Variants in TMEM117 observed in about 807,000 individuals in gnomAD.
TMEM117 encodes the protein transmembrane protein 117.
TMEM117 carries 27 observed loss-of-function variants against 52.4 expected under a neutral mutation model. That is an observed-to-expected ratio of 0.51 (90% CI 0.38 to 0.71). TMEM117 has a LOEUF of 0.71. Ranked by LOEUF, TMEM117 falls within the 30% of genes least tolerant of loss-of-function variation. The pLI, the probability that TMEM117 is intolerant of heterozygous loss-of-function variation, is 0.00. For missense variants in TMEM117, 556 were observed against 630.5 expected (o/e 0.88, Z 1.26); for synonymous variants, 215 against 206.3 (o/e 1.04, Z -0.36).
chr12:44,387,872 T>C (rs1356148722), intron 7 of TMEM117, among the ~76,000 whole-genome samples, 154 bp from the exon 8 acceptor site: 2 of 152,104 alleles, frequency 1.3e-5, no homozygotes, highest in East Asian at 3.9e-4. Context: ...CCAATTCACT[T>C]AATGGCAGCA....
chr12:43,836,885 G>A (rs955276649), intron 1 of TMEM117, among the ~76,000 whole-genome samples: 2 of 152,018 alleles, frequency 1.3e-5, no homozygotes, highest in African/African-American at 4.8e-5. Context: ...ATGAGTAAAA[G>A]TATGTTGAAT....
At chr12:44,098,340 C>T (rs192890632) in intron 3 of TMEM117, among the ~76,000 whole-genome samples, 2 of 152,108 alleles carry the variant, frequency 1.3e-5, no homozygotes, top group East Asian at 3.9e-4. Context: ...CTCCACTTTC[C>T]AGAACATCTC....
intron 6 of TMEM117, among the ~76,000 whole-genome samples, chr12:44,356,309 A>G (rs909368752): frequency 5.3e-5 from 8 of 152,118 alleles, no homozygotes; most frequent in East Asian, 1.9e-4. Context: ...ATTGTAAAGG[A>G]GCAAACCGTT....
chr12:44,370,412 A>G (rs1951846621), intron 6 of TMEM117, among the ~76,000 whole-genome samples: 1 of 152,118 alleles, frequency 6.6e-6, no homozygotes, highest in South Asian at 2.1e-4. Context: ...AAGATGATGT[A>G]TAACGTTTAT....
chr12:43,913,045 C>G (rs1371599472), intron 2 of TMEM117, among the ~76,000 whole-genome samples: 1 of 152,186 alleles, frequency 6.6e-6, no homozygotes, highest in African/African-American at 2.4e-5. Flanking sequence ...AGCCTCAAGG[C>G]AGTCATTCTT....
chr12:44,210,884 G>A (rs1949636429), intron 4 of TMEM117, among the ~76,000 whole-genome samples: 1 of 151,990 alleles, frequency 6.6e-6, no homozygotes, highest in South Asian at 2.1e-4. Context: ...TAAGGAAGAG[G>A]AAAAGAGAAG....
chr12:44,319,048 CG>C (rs1456265033), intron 6 of TMEM117, among the ~76,000 whole-genome samples: 1 of 152,162 alleles, frequency 6.6e-6, no homozygotes, highest in East Asian at 1.9e-4. Context: ...GAACTACACA[CG>C]GGGAGCACAA....
intron 2 of TMEM117, among the ~76,000 whole-genome samples, chr12:43,893,911 T>G (rs946684643): frequency 1.3e-5 from 2 of 152,214 alleles, no homozygotes; most frequent in African/African-American, 4.8e-5. Flanking sequence ...CTCACAAGTT[T>G]GGCACCTCAG....
chr12:44,207,675 A>G (rs184796468), intron 4 of TMEM117, among the ~76,000 whole-genome samples: 3 of 152,182 alleles, frequency 2.0e-5, no homozygotes, highest in East Asian at 3.9e-4. Flanking sequence ...AAGTGATGGG[A>G]TAGAAATCTC....
intron 5 of TMEM117, among the ~76,000 whole-genome samples, chr12:44,278,368 A>G (rs1413931785): frequency 6.6e-6 from 1 of 152,188 alleles, no homozygotes; most frequent in African/African-American, 2.4e-5. Flanking sequence ...TATCTGTCTT[A>G]CAGTCTTCTA....
chr12:44,225,799 A>G (rs1326320550), intron 5 of TMEM117, among the ~76,000 whole-genome samples: 5 of 152,274 alleles, frequency 3.3e-5, no homozygotes, highest in Admixed American at 6.5e-5. Flanking sequence ...TGGAAGTATT[A>G]TTTAACAAAT....
At chr12:43,806,037 G>A in the TMEM117 span, 2 of 1,520,524 alleles carry the variant, frequency 1.3e-6, no homozygotes, top group African/African-American at 2.8e-5. Flanking sequence ...CGGGCTGGAG[G>A]AGGACGCAGG....
chr12:43,985,020 T>C (rs1945825073), intron 3 of TMEM117, among the ~76,000 whole-genome samples: 1 of 152,138 alleles, frequency 6.6e-6, no homozygotes, highest in Admixed American at 6.6e-5. Flanking sequence ...TTTTTTGTAC[T>C]TACCTAACAT....
intron 5 of TMEM117, among the ~76,000 whole-genome samples, chr12:44,231,770 A>G (rs2138453877): frequency 6.6e-6 from 1 of 151,844 alleles, no homozygotes; most frequent in Non-Finnish European, 1.5e-5. Flanking sequence ...TTTCTTGCCC[A>G]TGTTTCCATT....
chr12:43,806,144 G>C, the TMEM117 span: 154 of 1,531,656 alleles, frequency 1.0e-4, no homozygotes, highest in African/African-American at 2.0e-3. Flanking sequence ...CTCCAGCCCT[G>C]CCGGTCCTGC....
At chr12:43,860,390 T>C (rs533836226) in intron 2 of TMEM117, among the ~76,000 whole-genome samples, 1 of 152,316 alleles carries the variant, frequency 6.6e-6, no homozygotes, top group South Asian at 2.1e-4. Context: ...CTGCTGTGAC[T>C]GAGCTTACAG....
chr12:43,801,336 C>T, the TMEM117 span, among the ~76,000 whole-genome samples: 1 of 152,068 alleles, frequency 6.6e-6, no homozygotes, highest in Non-Finnish European at 1.5e-5. Flanking sequence ...TACCAATTAA[C>T]AAATAATTTC....
intron 2 of TMEM117, among the ~76,000 whole-genome samples, chr12:43,877,872 C>CT (rs1460362362): frequency 6.8e-6 from 1 of 147,110 alleles, no homozygotes; most frequent in East Asian, 2.0e-4. Context: ...TAGTATGGTT[C>CT]TTTTTTTGTA....
intron 5 of TMEM117, among the ~76,000 whole-genome samples, chr12:44,288,731 G>T (rs1250634163): frequency 1.3e-5 from 2 of 151,946 alleles, no homozygotes; most frequent in Non-Finnish European, 1.5e-5. Flanking sequence ...CAGCTTTATT[G>T]GGGTATAATT....
Sources: allele counts gnomAD v4.1 joint callset (sites outside exome capture counted in the v4.1 genomes callset), GRCh38; gene constraint gnomAD v4.1.1; transcripts MANE v1.5; gene names NCBI Gene and HGNC (gene_info 2026-07-23, HGNC 2026-07-21).